PCDHA7: variants seen among roughly 807,000 people sequenced by gnomAD.
PCDHA7 encodes protocadherin alpha-7.
A neutral mutation model predicts 57.2 loss-of-function variants in PCDHA7; 37 were observed. The observed-to-expected ratio is 0.65, with a 90% CI of 0.50 to 0.85. The LOEUF (loss-of-function observed/expected upper bound fraction) is 0.85, where lower values mean the gene tolerates loss of function less well. Among genes scored for constraint, PCDHA7 ranks in the 40% least tolerant of loss-of-function variants. The pLI, the probability that PCDHA7 is intolerant of heterozygous loss-of-function variation, is 0.00. For synonymous variants in PCDHA7, 553 were observed against 558.8 expected (o/e 0.99, Z 0.15); for missense variants, 1,188 against 1,241.8 (o/e 0.96, Z 0.65).
At chr5:140,940,028 G>T (rs782276273) in intron 1 of PCDHA7, among the ~76,000 whole-genome samples, 1 of 152,048 alleles carries the variant, frequency 6.6e-6, no homozygotes, top group African/African-American at 2.4e-5. Context: ...ATGTTTTAAG[G>T]CTATTTTATT....
chr5:140,916,143 T>C (rs1237563249), intron 1 of PCDHA7, among the ~76,000 whole-genome samples: 3 of 152,012 alleles, frequency 2.0e-5, no homozygotes, highest in African/African-American at 7.2e-5. Flanking sequence ...GCTGTTCAGT[T>C]GTGTTGTGGT....
chr5:140,991,374 G>A (rs537981449), intron 3 of PCDHA7, among the ~76,000 whole-genome samples: 2 of 152,286 alleles, frequency 1.3e-5, no homozygotes, highest in South Asian at 4.1e-4. Context: ...TGAGTTCTAG[G>A]CCAACTGTAG....
At position 140,969,430 on chromosome 5, in the gene PCDHA7, A is replaced by T. The variant is rs1554231789; in HGVS notation, c.2356-9519A>T. 4 of 1,554,706 alleles carry T rather than the reference A, an allele frequency of 2.6e-6. No homozygotes were observed. The Admixed American group carries it at 7.8e-5, about 30-fold the overall frequency. ...CTTTATTGAGTCATTAACAGTGACA[A>T]GAGTTATCTGGTAAACTGAGTATAT... On this transcript the variant is annotated intron_variant, in intron 1 of 3. Transcript: ENST00000525929.
chr5:140,905,472 C>T (rs782287736), intron 1 of PCDHA7, among the ~76,000 whole-genome samples: 14 of 152,042 alleles, frequency 9.2e-5, no homozygotes, highest in Non-Finnish European at 1.6e-4. Flanking sequence ...TAATGTGATG[C>T]CTTCAGATTT....
chr5:140,834,570 C>T lies in PCDHA7; in HGVS notation c.187C>T (p.Leu63=). The change falls in exon 1 of 4, where the codon CTG becomes TTG. Residue 63 remains leucine, a synonymous_variant. Coordinates refer to ENST00000525929, the MANE Select transcript of PCDHA7 (RefSeq NM_018910.3). ...GLELAELVPR[L]FRAVCKFRGD... ...GGAGCTGGCGGAGCTGGTGCCGCGC[C>T]TGTTCCGGGCGGTGTGCAAATTCCG... The T allele has an allele frequency of 6.2e-7, 1 of 1,614,086 alleles. No individual in the cohort carries two copies. Among genetic ancestry groups the T allele is most frequent in the Non-Finnish European group, 8.5e-7 (1 of 1,180,020 alleles).
At chr5:140,852,952 C>A in intron 1 of PCDHA7, 1 of 475,904 alleles carries the variant, frequency 2.1e-6, no homozygotes, top group Non-Finnish European at 2.8e-6. Context: ...CATCTTGGCT[C>A]ACTCCAAGCT....
Position 140,836,241 on chromosome 5 carries a change from A to C in PCDHA7, c.1858A>C (p.Ile620Leu). ...GCAACCGGTGGCGGCCGGTGCGAGC[A>C]TCCCGTTCCGCGTGGGGCTGTACAC... ...ELQPVAAGAS[I>L]PFRVGLYTGE... Residue 620 changes from isoleucine (I) to leucine (L), a missense_variant, in exon 1 of 4, where the codon ATC becomes CTC. Around this residue, in one of 3 missense-constraint regions of PCDHA7, gnomAD observed 892 missense variants for 788.5 expected, o/e 1.13. Coordinates refer to ENST00000525929, the MANE Select transcript of PCDHA7 (RefSeq NM_018910.3). 6.2e-7 allele frequency: 1 copy of C among 1,613,778 alleles called. No individual in the cohort carries two copies. The highest frequency in any genetic ancestry group is 8.5e-7 in the Non-Finnish European group (1 of 1,179,800).
intron 1 of PCDHA7, chr5:140,968,154 A>G (rs782200456): frequency 3.7e-6 from 6 of 1,614,162 alleles, no homozygotes; most frequent in South Asian, 1.1e-5. Flanking sequence ...TCTGACATCA[A>G]TGACAATCCA....
chr5:140,877,215 A>T, intron 1 of PCDHA7: 1 of 1,613,722 alleles, frequency 6.2e-7, no homozygotes, highest in Non-Finnish European at 8.5e-7. Context: ...GCGAGTTGGT[A>T]CCGCGGTCGG....
intron 1 of PCDHA7, chr5:140,869,019 A>G: frequency 1.3e-6 from 2 of 1,525,464 alleles, no homozygotes; most frequent in Non-Finnish European, 8.8e-7. Flanking sequence ...CTTCTTAAGA[A>G]TTCAACGAGA....
At chr5:140,936,425 T>C (rs1471918068) in intron 1 of PCDHA7, among the ~76,000 whole-genome samples, 2 of 152,244 alleles carry the variant, frequency 1.3e-5, no homozygotes, top group Non-Finnish European at 2.9e-5. Flanking sequence ...TAATTTTAAT[T>C]AATTTAAGCT....
rs114148884 is a variant in PCDHA7 at position 140,924,440 on chromosome 5, C to T, written c.2356-54509C>T. ...CTTTCTAGTTCCCTAGAAGAGATAA[C>T]GAATGGGTTTGTGTGTTTAGGGAGG... On this transcript the variant is annotated intron_variant, in intron 1 of 3. Coordinates refer to ENST00000525929, the MANE Select transcript of PCDHA7 (RefSeq NM_018910.3). Among the ~76,000 whole-genome samples, 538 of 152,252 alleles carry T rather than the reference C, an allele frequency of 3.5e-3. 4 individuals are homozygous for T. Among genetic ancestry groups the T allele is most frequent in the African/African-American group, 0.012 (480 of 41,540 alleles).
chr5:140,846,369 CTTTCTTTTT>C lies in PCDHA7; in HGVS notation c.2355+9635_2355+9643del, dbSNP rs1780378875. Among the ~76,000 whole-genome samples the C allele has an allele frequency of 1.9e-4, 19 of 102,176 alleles. 2 individuals are homozygous for C. In the South Asian group the frequency reaches 2.3e-3, roughly 12 times the overall value. The allele number at this position is 102,176 out of a possible 152,430, so 67.0% of individuals were successfully genotyped here. On this transcript the variant is annotated intron_variant, in intron 1 of 3. Transcript: ENST00000525929. ...TTCTCTTTTTTCTTTTCTTTTCTTT[CTTTCTTTTT>C]TTTTTTTTTTTTTTGAGACGGAGTC...
At position 140,857,550 on chromosome 5, in the gene PCDHA7, G is replaced by A; in HGVS notation, c.2355+20812G>A. 4 of 1,596,852 alleles carry A rather than the reference G, an allele frequency of 2.5e-6. 1 individual carries two copies. The highest frequency in any genetic ancestry group is 3.4e-6 in the Non-Finnish European group (4 of 1,167,652). On this transcript the variant is annotated intron_variant, in intron 1 of 3. Coordinates refer to ENST00000525929, the MANE Select transcript of PCDHA7 (RefSeq NM_018910.3). ...CTGGTGGAGCGGCGGTTGGGCGAGC[G>A]CTCGCTGTCGAGCTACGTGTCGGTG...
At chr5:141,005,824 G>T (rs1380044629) in intron 3 of PCDHA7, among the ~76,000 whole-genome samples, 2 of 151,660 alleles carry the variant, frequency 1.3e-5, no homozygotes, top group African/African-American at 4.8e-5. Flanking sequence ...ATGGTGGCCT[G>T]TAGTCCCAGC....
chr5:140,966,514 A>G (rs2096013065), intron 1 of PCDHA7: 1 of 434,820 alleles, frequency 2.3e-6, no homozygotes, highest in Non-Finnish European at 4.0e-6. Flanking sequence ...CAGCAGCAGC[A>G]GGAAGCCGAG....
At chr5:141,007,869 T>C (rs2098349373) in intron 3 of PCDHA7, among the ~76,000 whole-genome samples, 1 of 152,262 alleles carries the variant, frequency 6.6e-6, no homozygotes, top group African/African-American at 2.4e-5. Flanking sequence ...TCTTTTCCTT[T>C]GTCTTACACT....
At chr5:140,877,403 G>C (rs199806507) in intron 1 of PCDHA7, 1 of 1,613,770 alleles carries the variant, frequency 6.2e-7, no homozygotes, top group Non-Finnish European at 8.5e-7. Context: ...GACGCTCCGC[G>C]CCACCGCCTG....
At chr5:140,888,128 T>C (rs1365856723) in intron 1 of PCDHA7, among the ~76,000 whole-genome samples, 1 of 152,248 alleles carries the variant, frequency 6.6e-6, no homozygotes, top group Non-Finnish European at 1.5e-5. Flanking sequence ...TCTATGGATA[T>C]ATTTTCTTGC....
Sources: gnomAD v4.1 joint callset for allele counts (sites outside exome capture counted in the v4.1 genomes callset) on GRCh38, gnomAD v4.1.1 for gene constraint, gnomAD v4.1.1 regional missense constraint, MANE v1.5 for transcripts, NCBI Gene and HGNC (gene_info 2026-07-23, HGNC 2026-07-21) for gene names.